The following CNTN5 variants were observed in gnomAD, a reference collection of about 807,000 sequenced individuals.
CNTN5 encodes the protein contactin 5.
CNTN5 carries 77 observed loss-of-function variants against 129.1 expected under a neutral mutation model. The ratio of observed to expected loss-of-function variants is 0.60; its 90% CI spans 0.50 to 0.72. CNTN5 has a LOEUF of 0.72. CNTN5 is among the 30% of genes least tolerant of loss of function. The pLI is 0.00. For missense variants in CNTN5, 1,478 were observed against 1,328.8 expected, an observed-to-expected ratio of 1.11 and a Z score of -1.75; for synonymous variants, 509 against 465.6, an observed-to-expected ratio of 1.09 and a Z score of -1.20.
chr11:100,072,990 C>CAAA (rs61042118), intron 12 of CNTN5, among the ~76,000 whole-genome samples: 7,846 of 78,898 alleles, frequency 0.099, 743 homozygotes, highest in East Asian at 0.23. Flanking sequence ...TCCCAGGAGG[C>CAAA]AAAAAAAAAA....
At chr11:99,677,433 G>C (rs1953339123) in intron 3 of CNTN5, among the ~76,000 whole-genome samples, 1 of 152,078 alleles carries the variant, frequency 6.6e-6, no homozygotes, top group South Asian at 2.1e-4. Context: ...AGCAGTTTGA[G>C]GATGTTGATT....
intron 1 of CNTN5, among the ~76,000 whole-genome samples, chr11:99,316,265 G>A (rs1447687489): frequency 6.6e-6 from 1 of 152,144 alleles, no homozygotes; most frequent in Non-Finnish European, 1.5e-5. Flanking sequence ...CAGGAAGTTT[G>A]TCAACATTCA....
chr11:99,227,702 A>T (rs1390136713), intron 1 of CNTN5, among the ~76,000 whole-genome samples: 1 of 152,198 alleles, frequency 6.6e-6, no homozygotes, highest in South Asian at 2.1e-4. Flanking sequence ...TGAATTCAAG[A>T]TTATTTGAAT....
chr11:100,358,164 G>A lies in CNTN5; in HGVS notation c.*1944G>A, dbSNP rs919297434. The A allele has an allele frequency of 1.3e-5, 2 of 151,820 alleles. No homozygotes were observed. The allele number at this position is 151,820 out of a possible 1,614,324, so 9.4% of individuals were successfully genotyped here. On this transcript the variant is annotated 3_prime_UTR_variant, in exon 25 of 25. Coordinates refer to ENST00000524871, the MANE Select transcript of CNTN5 (RefSeq NM_014361.4). ...TATTTTTAATGCAAAATAATTTTACGTATTTCATGAATCAAGCCATTTTCT... is the reference window on the plus strand; with the variant it reads ...TATTTTTAATGCAAAATAATTTTACATATTTCATGAATCAAGCCATTTTCT...
At chr11:99,059,048 C>T (rs971098885) in intron 1 of CNTN5, among the ~76,000 whole-genome samples, 1 of 147,768 alleles carries the variant, frequency 6.8e-6, no homozygotes, top group African/African-American at 2.5e-5. Flanking sequence ...TCCCTCCCTC[C>T]TTCCTTCCTT....
chr11:100,352,585 C>G (rs1952441669), intron 24 of CNTN5, among the ~76,000 whole-genome samples: 1 of 151,444 alleles, frequency 6.6e-6, no homozygotes, highest in Non-Finnish European at 1.5e-5. Context: ...TTTCAGTACA[C>G]CTAAAAGTAT....
intron 16 of CNTN5, among the ~76,000 whole-genome samples, chr11:100,240,283 C>A (rs886802466): frequency 6.6e-6 from 1 of 151,040 alleles, no homozygotes; most frequent in African/African-American, 2.5e-5. Context: ...TGCAATAACC[C>A]ACTGTCTCCA....
At chr11:100,280,782 T>G (rs1004259720) in intron 18 of CNTN5, among the ~76,000 whole-genome samples, 1 of 152,118 alleles carries the variant, frequency 6.6e-6, no homozygotes, top group Non-Finnish European at 1.5e-5. Flanking sequence ...CCTGCCTTCC[T>G]ATTAGTGAAG....
intron 1 of CNTN5, among the ~76,000 whole-genome samples, chr11:99,137,337 A>G (rs181037042): frequency 1.6e-4 from 24 of 152,318 alleles, no homozygotes; most frequent in African/African-American, 5.8e-4. Context: ...CTAGAATTAC[A>G]AAATTGTCAG....
intron 1 of CNTN5, among the ~76,000 whole-genome samples, chr11:99,113,315 A>G (rs1015218417): frequency 6.6e-6 from 1 of 152,104 alleles, no homozygotes; most frequent in Non-Finnish European, 1.5e-5. Flanking sequence ...TTTCTATATT[A>G]TAACTTCCAT....
intron 2 of CNTN5, among the ~76,000 whole-genome samples, chr11:99,547,323 T>C (rs1948332569): frequency 6.6e-6 from 1 of 152,144 alleles, no homozygotes; most frequent in African/African-American, 2.4e-5. Flanking sequence ...TTTCATTAGC[T>C]GAGCTATAAA....
At chr11:99,224,656 C>CTTTTTTTTT (rs1860579878) in intron 1 of CNTN5, among the ~76,000 whole-genome samples, 1 of 38,024 alleles carries the variant, frequency 2.6e-5, no homozygotes, top group Non-Finnish European at 4.7e-5. Context: ...CCCAAGGTTG[C>CTTTTTTTTT]ATTTTTTTTT....
chr11:100,018,160 G>T (rs535208958), intron 9 of CNTN5, among the ~76,000 whole-genome samples: 2 of 151,776 alleles, frequency 1.3e-5, no homozygotes, highest in Non-Finnish European at 2.9e-5. Flanking sequence ...CCATATAATT[G>T]GAACACAATA....
intron 3 of CNTN5, among the ~76,000 whole-genome samples, chr11:99,623,633 A>C (rs1455786503): frequency 1.3e-5 from 2 of 151,932 alleles, no homozygotes; most frequent in Admixed American, 1.3e-4. Flanking sequence ...CTAATCCAAG[A>C]ATGTCATATG....
intron 6 of CNTN5, among the ~76,000 whole-genome samples, chr11:99,868,720 TGTTGGAGAGTGTTGGA>T (rs1301966932): frequency 3.9e-5 from 6 of 152,262 alleles, no homozygotes; most frequent in African/African-American, 1.4e-4. Flanking sequence ...GAAGATTGAC[TGTTGGAGAGTGTTGGA>T]GTTTGTGCTG....
At chr11:99,274,675 A>G (rs117984670) in intron 1 of CNTN5, among the ~76,000 whole-genome samples, 10,221 of 151,622 alleles carry the variant, frequency 0.067, 458 homozygotes, top group Middle Eastern at 0.11. Context: ...CTATATATAT[A>G]TATGAATGCT....
chr11:99,398,278 G>A (rs550911931), intron 2 of CNTN5, among the ~76,000 whole-genome samples: 2 of 151,748 alleles, frequency 1.3e-5, no homozygotes, highest in East Asian at 1.9e-4. Context: ...GGGTCAAACC[G>A]TTTTTTCTCA....
chr11:99,778,843 C>A (rs1218662135), intron 3 of CNTN5, among the ~76,000 whole-genome samples: 1 of 140,526 alleles, frequency 7.1e-6, no homozygotes. Flanking sequence ...TTAATATCAA[C>A]AATTTTTCTC....
At chr11:99,964,542 C>T (rs961804795) in intron 8 of CNTN5, among the ~76,000 whole-genome samples, 1 of 152,146 alleles carries the variant, frequency 6.6e-6, no homozygotes, top group African/African-American at 2.4e-5. Context: ...TTTTGATGTG[C>T]TGCCGGATTC....
Sources: gnomAD v4.1 joint callset for allele counts (sites outside exome capture counted in the v4.1 genomes callset) on GRCh38, gnomAD v4.1.1 for gene constraint, MANE v1.5 for transcripts, NCBI Gene and HGNC (gene_info 2026-07-23, HGNC 2026-07-21) for gene names.